Variants in RIN2 observed in about 807,000 individuals in gnomAD.
The protein encoded by RIN2 is Ras and Rab interactor 2.
A neutral mutation model predicts 78.0 loss-of-function variants in RIN2; 36 were observed. The observed-to-expected ratio is 0.46, with a 90% CI of 0.35 to 0.61. The LOEUF (loss-of-function observed/expected upper bound fraction) is 0.61, where lower values mean the gene tolerates loss of function less well. RIN2 is among the 20% of genes least tolerant of loss of function. RIN2 has a pLI of 0.00. For missense variants in RIN2, 1,087 were observed against 1,159.7 expected (o/e 0.94, Z 0.91); for synonymous variants, 466 against 466.8 (o/e 1.00, Z 0.02).
intron 5 of RIN2, among the ~76,000 whole-genome samples, chr20:19,959,830 G>T (rs901077253): frequency 6.6e-6 from 1 of 152,184 alleles, no homozygotes; most frequent in African/African-American, 2.4e-5. Context: ...CACTTCATTT[G>T]TAGGCTAGGT....
chr20:19,956,497 C>T (rs1321863945), intron 4 of RIN2, 118 bp from the exon 5 acceptor site: 2 of 814,822 alleles, frequency 2.5e-6, no homozygotes, highest in East Asian at 2.7e-5. Context: ...ATTAAGGGGG[C>T]GATCACAAGA....
chr20:19,829,962 C>T (rs1033492150), intron 2 of RIN2, among the ~76,000 whole-genome samples: 6 of 152,322 alleles, frequency 3.9e-5, no homozygotes, highest in South Asian at 2.1e-4. Flanking sequence ...GTAGCCATAT[C>T]CCAGCAGCAA....
chr20:19,761,163 G>A (rs553303806), intron 1 of RIN2, among the ~76,000 whole-genome samples: 11 of 152,244 alleles, frequency 7.2e-5, no homozygotes, highest in South Asian at 4.2e-4. Flanking sequence ...TATCTCAGTC[G>A]TTTCTCACAA....
At chr20:19,767,565 T>C (rs2033938803) in intron 1 of RIN2, among the ~76,000 whole-genome samples, 1 of 152,130 alleles carries the variant, frequency 6.6e-6, no homozygotes. Flanking sequence ...CTTTTGCTTC[T>C]GAGGCCCTCA....
At chr20:19,824,151 A>G (rs1236893475) in intron 2 of RIN2, among the ~76,000 whole-genome samples, 2 of 152,182 alleles carry the variant, frequency 1.3e-5, no homozygotes, top group African/African-American at 2.4e-5. Context: ...AGCTTCATCT[A>G]GGCTCCCTCC....
chr20:19,844,796 AC>A (rs2036729733), intron 2 of RIN2, among the ~76,000 whole-genome samples: 1 of 151,466 alleles, frequency 6.6e-6, no homozygotes, highest in Non-Finnish European at 1.5e-5. Flanking sequence ...CAGGTTTGTT[AC>A]ATAGGTATAC....
intron 2 of RIN2, among the ~76,000 whole-genome samples, chr20:19,850,910 A>C (rs553493049): frequency 4.6e-5 from 7 of 151,962 alleles, no homozygotes; most frequent in Non-Finnish European, 1.0e-4. Context: ...GGATGCAGAA[A>C]TTGCAGTAAG....
Position 19,793,127 on chromosome 20 carries a change from G to A in RIN2, c.-162-6495G>A, listed in dbSNP as rs187214862. On this transcript the variant is annotated intron_variant, in intron 1 of 12. Transcript: ENST00000255006. ...TAGAAATATAACATGAGTTGCATAT[G>A]TAATTTAAAATTTTTTGTAGTCACA... Among the ~76,000 whole-genome samples the A allele has an allele frequency of 1.8e-4, 28 of 152,326 alleles. No homozygotes were observed. In the East Asian group the frequency reaches 5.2e-3, roughly 28 times the overall value.
chr20:19,836,538 T>A (rs896340255), intron 2 of RIN2, among the ~76,000 whole-genome samples: 1 of 152,194 alleles, frequency 6.6e-6, no homozygotes, highest in Non-Finnish European at 1.5e-5. Context: ...ATATTGATAG[T>A]AAATTAAAGA....
intron 3 of RIN2, among the ~76,000 whole-genome samples, chr20:19,924,927 T>C (rs1159363527): frequency 6.7e-6 from 1 of 149,454 alleles, no homozygotes; most frequent in Non-Finnish European, 1.5e-5. Flanking sequence ...TTAGTAGAGA[T>C]AGGGTTTCTC....
intron 2 of RIN2, among the ~76,000 whole-genome samples, chr20:19,815,949 A>G (rs989316506): frequency 1.3e-5 from 2 of 152,236 alleles, no homozygotes; most frequent in Admixed American, 1.3e-4. Context: ...ACATACGGGA[A>G]AATTTGATGT....
intron 3 of RIN2, among the ~76,000 whole-genome samples, chr20:19,900,643 AAAAAC>A (rs142624505): frequency 0.13 from 19,500 of 150,706 alleles, 1,726 homozygotes; most frequent in African/African-American, 0.25. Context: ...AAAAAAAAGA[AAAAAC>A]AAAAACAACA....
In RIN2 at chr20:19,935,143, G is replaced by T. The variant is rs759468170; in HGVS notation, c.102G>T (p.Glu34Asp). ...IASEIGELKQ[E>D]MVRTDVNLEN... The stretch of plus-strand genomic sequence containing the variant: ...CGGAGATCGGAGAACTGAAACAGGA[G>T]ATGGTGCGGACAGATGTCAACCTGG... The change falls in exon 4 of 13, where the codon GAG (glutamate) becomes GAT (aspartate). Residue 34 changes from glutamate to aspartate, a missense_variant. Physicochemically the swap from Glu to Asp is conservative, Grantham distance 45. This residue lies in a region of RIN2 where 706 missense variants were observed against 667.5 expected (regional missense o/e 1.06). Transcript: ENST00000255006. The T allele has an allele frequency of 1.1e-5, 17 of 1,604,884 alleles. No individual in the cohort carries two copies. The highest frequency in any genetic ancestry group is 1.4e-5 in the Non-Finnish European group (17 of 1,175,772).
chr20:19,907,117 G>GGA (rs891497791), intron 3 of RIN2, among the ~76,000 whole-genome samples: 2 of 152,056 alleles, frequency 1.3e-5, no homozygotes, highest in Non-Finnish European at 2.9e-5. Context: ...AGGGTAGGAG[G>GGA]GAGAGAGAGA....
chr20:19,862,450 G>A (rs570183336), intron 2 of RIN2, among the ~76,000 whole-genome samples: 16 of 152,182 alleles, frequency 1.1e-4, no homozygotes, highest in Admixed American at 5.2e-4. Context: ...AAAATTAGTC[G>A]GGCGTGGTGG....
intron 1 of RIN2, among the ~76,000 whole-genome samples, chr20:19,764,913 T>C (rs1299646559): frequency 3.7e-5 from 5 of 136,476 alleles, no homozygotes; most frequent in Non-Finnish European, 7.7e-5. Flanking sequence ...CACTTCACTT[T>C]CTGCGTTTTT....
chr20:19,904,003 C>A (rs978388422), intron 3 of RIN2, among the ~76,000 whole-genome samples: 1 of 152,154 alleles, frequency 6.6e-6, no homozygotes, highest in East Asian at 1.9e-4. Context: ...GTAATCCCAG[C>A]ACTTTGGGAG....
intron 2 of RIN2, among the ~76,000 whole-genome samples, chr20:19,871,103 G>A (rs1338899466): frequency 6.6e-6 from 1 of 152,190 alleles, no homozygotes; most frequent in Non-Finnish European, 1.5e-5. Context: ...GATTACCATG[G>A]AGAAGCAGGC....
chr20:19,974,711 C>G lies in RIN2; in HGVS notation c.686C>G (p.Pro229Arg), dbSNP rs2042212433. The G allele has an allele frequency of 5.6e-6, 9 of 1,614,048 alleles. No individual in the cohort carries two copies. The highest frequency in any genetic ancestry group is 7.6e-6 in the Non-Finnish European group (9 of 1,179,904). Residue 229 changes from proline to arginine, a missense_variant, in exon 9 of 13, where the codon CCT (proline) becomes CGT (arginine). Physicochemically the swap from Pro to Arg is moderately radical, Grantham distance 103. Around this residue, in one of 8 missense-constraint regions of RIN2, gnomAD observed 706 missense variants for 667.5 expected, o/e 1.06. Transcript: ENST00000255006. ...KPPNLPPPHR[P>R]LSSDGVCPAS... ...CCGAACCTTCCACCTCCCCATAGGC[C>G]TCTTTCCTCCGACGGTGTCTGTCCT...
Sources: allele counts gnomAD v4.1 joint callset (sites outside exome capture counted in the v4.1 genomes callset), GRCh38; gene constraint gnomAD v4.1.1; regional missense constraint gnomAD v4.1.1; transcripts MANE v1.5; gene names NCBI Gene and HGNC (gene_info 2026-07-23, HGNC 2026-07-21).